Variants in FAM3B observed in about 807,000 individuals in gnomAD.
FAM3B encodes the protein FAM3 metabolism regulating signaling molecule B, also known as protein FAM3B.
In FAM3B, 29 loss-of-function variants were observed where a neutral mutation model predicts 28.4. The observed-to-expected ratio is 1.02, with a 90% CI of 0.76 to 1.39. FAM3B has a LOEUF of 1.39. Among genes scored for constraint, FAM3B ranks in the 40% most tolerant of loss-of-function variants. The pLI is 0.00. For missense variants in FAM3B, 266 were observed against 293.9 expected, an observed-to-expected ratio of 0.91 and a Z score of 0.69; for synonymous variants, 91 against 103.0, an observed-to-expected ratio of 0.88 and a Z score of 0.71.
At chr21:41,347,242 A>T (rs1170144687) in intron 6 of FAM3B, 142 bp downstream of exon 6, 2 of 712,976 alleles carry the variant, frequency 2.8e-6, no homozygotes, top group African/African-American at 1.8e-5. Context: ...AGAATGAAAG[A>T]TCATGACAAA....
intron 2 of FAM3B, among the ~76,000 whole-genome samples, chr21:41,335,014 G>T (rs183136336): frequency 6.6e-5 from 10 of 152,336 alleles, no homozygotes; most frequent in Middle Eastern, 3.4e-3. Flanking sequence ...TTTTGGACTC[G>T]TGTGGGGCCT....
intron 7 of FAM3B, among the ~76,000 whole-genome samples, chr21:41,354,673 G>GT (rs1275676050): frequency 1.3e-5 from 2 of 151,990 alleles, no homozygotes; most frequent in Non-Finnish European, 2.9e-5. Flanking sequence ...ACAATAGAGG[G>GT]GCCTATTGGA....
intron 7 of FAM3B, among the ~76,000 whole-genome samples, chr21:41,352,587 G>T (rs1348593446): frequency 1.3e-5 from 2 of 152,126 alleles, no homozygotes; most frequent in Admixed American, 6.5e-5. Flanking sequence ...GAGGTCAGAA[G>T]TTCAAGACCA....
chr21:41,345,660 T>TA (rs780963921), intron 4 of FAM3B, 26 bp from the exon 5 acceptor site: 2 of 1,495,158 alleles, frequency 1.3e-6, no homozygotes, highest in East Asian at 2.3e-5. Context: ...AACTTTCTTT[T>TA]AAAATACCAT....
At chr21:41,344,578 T>G in intron 4 of FAM3B, 44 bp downstream of exon 4, 1 of 1,560,158 alleles carries the variant, frequency 6.4e-7, no homozygotes, top group African/African-American at 1.4e-5. Flanking sequence ...AAAAGCTCTC[T>G]GGTCAGATTT....
At chr21:41,338,341 G>A in intron 2 of FAM3B, 37 bp from the exon 3 acceptor site, 2 of 1,610,366 alleles carry the variant, frequency 1.2e-6, no homozygotes, top group Non-Finnish European at 1.7e-6. Flanking sequence ...AATTACTGTG[G>A]GATGTTAATG....
intron 6 of FAM3B, among the ~76,000 whole-genome samples, chr21:41,348,085 G>A (rs968180379): frequency 6.6e-6 from 1 of 152,132 alleles, no homozygotes; most frequent in Non-Finnish European, 1.5e-5. Context: ...TTACTTTCCT[G>A]TCTACCCTCC....
chr21:41,312,722 A>AGTGTGTGTGTGTGTGTGT (rs10580404), upstream of FAM3B, among the ~76,000 whole-genome samples: 1,069 of 148,300 alleles, frequency 7.2e-3, 9 homozygotes, highest in Middle Eastern at 0.014. Flanking sequence ...TGTGTGTGAG[A>AGTGTGTGTGTGTGTGTGT]GTGTGTGTGT....
intron 7 of FAM3B, among the ~76,000 whole-genome samples, chr21:41,350,460 G>C (rs893269744): frequency 1.2e-4 from 19 of 152,336 alleles, no homozygotes; most frequent in African/African-American, 4.1e-4. Context: ...GAACATGAAA[G>C]AAGAGAAACA....
At chr21:41,351,845 G>A (rs1181056936) in intron 7 of FAM3B, among the ~76,000 whole-genome samples, 3 of 152,202 alleles carry the variant, frequency 2.0e-5, no homozygotes, top group African/African-American at 7.2e-5. Flanking sequence ...TTTTATAGGA[G>A]GAAGGAAACT....
chr21:41,318,686 A>T (rs1437714416), intron 1 of FAM3B, among the ~76,000 whole-genome samples: 1 of 152,140 alleles, frequency 6.6e-6, no homozygotes, highest in Admixed American at 6.6e-5. Context: ...ATCTGAATAC[A>T]TATTGGTAAG....
At chr21:41,353,896 A>G (rs1352452836) in intron 7 of FAM3B, among the ~76,000 whole-genome samples, 2 of 152,248 alleles carry the variant, frequency 1.3e-5, no homozygotes, top group Non-Finnish European at 2.9e-5. Flanking sequence ...CAAAGTACGC[A>G]TCTAACAAAA....
At chr21:41,352,282 A>G (rs1158937765) in intron 7 of FAM3B, among the ~76,000 whole-genome samples, 1 of 152,162 alleles carries the variant, frequency 6.6e-6, no homozygotes, top group Non-Finnish European at 1.5e-5. Context: ...GGACCTCTGC[A>G]CATGCCTCCC....
chr21:41,334,734 A>G (rs1438342757), intron 2 of FAM3B, among the ~76,000 whole-genome samples: 1 of 152,190 alleles, frequency 6.6e-6, no homozygotes, highest in Non-Finnish European at 1.5e-5. Flanking sequence ...AGCACTGCCT[A>G]GTGGAGCTGT....
chr21:41,349,378 A>G (rs2089093426), intron 7 of FAM3B, among the ~76,000 whole-genome samples: 2 of 152,180 alleles, frequency 1.3e-5, no homozygotes, highest in South Asian at 4.1e-4. Context: ...CCAGGAAAAG[A>G]TGCTGCAGTA....
At chr21:41,338,646 A>G in intron 3 of FAM3B, 145 bp downstream of exon 3, 1 of 1,083,364 alleles carries the variant, frequency 9.2e-7, no homozygotes, top group East Asian at 2.6e-5. Flanking sequence ...TCCAAGTGGA[A>G]ATGAGAAAGC....
chr21:41,352,740 G>A (rs943595937), intron 7 of FAM3B, among the ~76,000 whole-genome samples: 1 of 151,948 alleles, frequency 6.6e-6, no homozygotes, highest in Admixed American at 6.6e-5. Context: ...GTTGCAGTGA[G>A]CCAAGATAAT....
chr21:41,334,575 G>A (rs1220411846), intron 2 of FAM3B, among the ~76,000 whole-genome samples: 1 of 152,212 alleles, frequency 6.6e-6, no homozygotes, highest in Non-Finnish European at 1.5e-5. Context: ...GAATGCAAGA[G>A]TTAATGCTTG....
At chr21:41,344,430 A>T (rs1159758158) in intron 3 of FAM3B, 46 bp from the exon 4 acceptor site, 15 of 1,560,206 alleles carry the variant, frequency 9.6e-6, no homozygotes, top group Non-Finnish European at 1.3e-5. Context: ...GAGCGGGGAG[A>T]GTCGCACGCC....
Sources: gnomAD v4.1 joint callset for allele counts (sites outside exome capture counted in the v4.1 genomes callset) on GRCh38, gnomAD v4.1.1 for gene constraint, MANE v1.5 for transcripts, NCBI Gene and HGNC (gene_info 2026-07-23, HGNC 2026-07-21) for gene names.